MDFIC: variants seen among roughly 807,000 people sequenced by gnomAD.
The protein encoded by MDFIC is myoD family inhibitor domain-containing protein.
In MDFIC, 17 loss-of-function variants were observed where a neutral mutation model predicts 23.2. The ratio of observed to expected loss-of-function variants is 0.73; its 90% CI spans 0.50 to 1.10. MDFIC has a LOEUF of 1.10. Ranked by LOEUF, MDFIC falls within the 50% of genes least tolerant of loss-of-function variation. The pLI is 0.00. For synonymous variants in MDFIC, 120 were observed against 115.2 expected (o/e 1.04, Z -0.27); for missense variants, 356 against 316.6 (o/e 1.12, Z -0.95).
chr7:114,936,930 A>G (rs542242391), intron 2 of MDFIC, among the ~76,000 whole-genome samples: 1 of 152,234 alleles, frequency 6.6e-6, no homozygotes, highest in South Asian at 2.1e-4. Flanking sequence ...TTAAAAACTT[A>G]TGTAACAAAC....
chr7:114,922,653 G>T lies in MDFIC; in HGVS notation c.-108+17G>T. ...GATGCGGAGGTAGGTAGTGGTCTCCGGGCGGGGAAGAGGAGGGGTTTGATC... is the reference window on the plus strand; with the variant it reads ...GATGCGGAGGTAGGTAGTGGTCTCCTGGCGGGGAAGAGGAGGGGTTTGATC... On this transcript the variant is annotated intron_variant, in intron 1 of 4. Transcript: ENST00000393486. 1 of 1,308,794 alleles carries T rather than the reference G, an allele frequency of 7.6e-7. No homozygotes were observed. Among genetic ancestry groups the T allele is most frequent in the Non-Finnish European group, 9.8e-7 (1 of 1,024,490 alleles). The allele number at this position is 1,308,794 out of a possible 1,614,324, so 81.1% of individuals were successfully genotyped here.
intron 3 of MDFIC, among the ~76,000 whole-genome samples, chr7:114,944,704 A>T (rs1387367382): frequency 6.6e-6 from 1 of 152,152 alleles, no homozygotes; most frequent in African/African-American, 2.4e-5. Flanking sequence ...AGTTAGGAAG[A>T]TGTGTATTTT....
At chr7:114,942,458 TC>T in intron 3 of MDFIC, 61 bp downstream of exon 3, 7 of 1,278,068 alleles carry the variant, frequency 5.5e-6, no homozygotes, top group Non-Finnish European at 6.4e-6. Context: ...AATATATTCT[TC>T]GTTAATTGCC....
intron 4 of MDFIC, among the ~76,000 whole-genome samples, chr7:115,004,340 A>G (rs1178220261): frequency 6.6e-6 from 1 of 152,196 alleles, no homozygotes; most frequent in Non-Finnish European, 1.5e-5. Context: ...TACTCCTAGT[A>G]GCTCATGCCT....
intron 2 of MDFIC, among the ~76,000 whole-genome samples, chr7:114,931,629 A>T (rs796593571): frequency 9.8e-5 from 15 of 152,340 alleles, no homozygotes; most frequent in African/African-American, 3.6e-4. Flanking sequence ...TCAATTCAAG[A>T]TTAAAATAAT....
chr7:114,923,070 G>A lies in MDFIC; in HGVS notation c.37G>A (p.Val13Met). Reference protein sequence around the residue: ...GAGEALAPGPVGPQRVAEAGG... With the variant: ...GAGEALAPGPMGPQRVAEAGG... ...GGGCGAAGCCCTCGCTCCCGGGCCC[G>A]TGGGGCCGCAGCGCGTGGCCGAGGC... Residue 13 changes from valine to methionine, a missense_variant, in exon 2 of 5, where the codon GTG becomes ATG. Physicochemically the swap from Val to Met is conservative, Grantham distance 21. Coordinates refer to ENST00000393486, the MANE Select transcript of MDFIC (RefSeq NM_001166345.3). The A allele has an allele frequency of 2.1e-6, 3 of 1,404,038 alleles. No homozygotes were observed. The highest frequency in any genetic ancestry group is 2.8e-6 in the Non-Finnish European group (3 of 1,079,988). 87.0% of individuals were successfully genotyped at this position (1,404,038 alleles called of 1,614,324 possible).
chr7:114,978,937 C>T (rs1793367281), intron 3 of MDFIC, among the ~76,000 whole-genome samples: 1 of 151,998 alleles, frequency 6.6e-6, no homozygotes. Context: ...TTTTTCATAA[C>T]TTGTTTATTT....
Position 114,979,554 on chromosome 7 carries a change from G to A in MDFIC, c.266G>A (p.Ser89Asn). The A allele has an allele frequency of 6.2e-7, 1 of 1,614,030 alleles. No homozygotes were observed. Among genetic ancestry groups the A allele is most frequent in the South Asian group, 1.1e-5 (1 of 91,088 alleles). ...PQLQTSAQVP[S>N]GEEIGKIKNG... ...CTTCAGACTTCAGCCCAGGTGCCAA[G>A]TGGTGAGGAAATAGGCAAGATAAAG... Residue 89 changes from serine to asparagine, a missense_variant, in exon 4 of 5, where the codon AGT becomes AAT. Ser to Asn is a conservative substitution (Grantham distance 46, BLOSUM62 1). Coordinates refer to ENST00000393486, the MANE Select transcript of MDFIC (RefSeq NM_001166345.3).
chr7:114,997,887 T>C (rs1791372880), intron 4 of MDFIC, among the ~76,000 whole-genome samples: 1 of 152,142 alleles, frequency 6.6e-6, no homozygotes, highest in African/African-American at 2.4e-5. Context: ...CAGTGACTTC[T>C]TTAGTTCTGT....
At chr7:115,014,513 C>T (rs1199628848) in intron 4 of MDFIC, 6 of 1,289,520 alleles carry the variant, frequency 4.7e-6, no homozygotes, top group Non-Finnish European at 5.1e-6. Flanking sequence ...AATACAGAAA[C>T]ACAAAGGACA....
intron 3 of MDFIC, among the ~76,000 whole-genome samples, chr7:114,977,430 A>T (rs1462039597): frequency 1.3e-5 from 2 of 152,090 alleles, no homozygotes; most frequent in Non-Finnish European, 2.9e-5. Context: ...GAGGGACACC[A>T]TAAGTTGTCC....
intron 4 of MDFIC, among the ~76,000 whole-genome samples, chr7:115,004,936 G>A (rs1791540267): frequency 6.6e-6 from 1 of 152,196 alleles, no homozygotes. Context: ...TTTCTGTACA[G>A]TATGGCTATT....
At chr7:114,945,659 C>G (rs1585097409) in intron 3 of MDFIC, among the ~76,000 whole-genome samples, 1 of 152,174 alleles carries the variant, frequency 6.6e-6, no homozygotes, top group East Asian at 1.9e-4. Flanking sequence ...CACACACAAT[C>G]TGGTCAGAGA....
intron 2 of MDFIC, among the ~76,000 whole-genome samples, chr7:114,940,720 T>G (rs987273073): frequency 2.0e-5 from 3 of 152,200 alleles, no homozygotes; most frequent in African/African-American, 4.8e-5. Context: ...CAGCATTTCA[T>G]AAGTCATTGT....
intron 4 of MDFIC, among the ~76,000 whole-genome samples, chr7:114,997,408 A>ATG (rs148976289): frequency 0.02 from 2,990 of 149,490 alleles, 41 homozygotes; most frequent in African/African-American, 0.038. Flanking sequence ...GCATGCGTGC[A>ATG]TGTGTGTGTG....
rs1055244804 is a variant in MDFIC at position 114,922,265 on chromosome 7, G to T, written c.-479G>T. On this transcript the variant is annotated 5_prime_UTR_variant, in exon 1 of 5. Coordinates refer to ENST00000393486, the MANE Select transcript of MDFIC (RefSeq NM_001166345.3). ...CGGGGCCGCTAGCCAAGAGTTCGAG[G>T]CCTTCCCGATCCGGATGTGATGAAA... 5 of 715,308 alleles carry T rather than the reference G, an allele frequency of 7.0e-6. No individual in the cohort carries two copies. The highest frequency in any genetic ancestry group is 9.7e-6 in the Non-Finnish European group (5 of 516,814). The allele number at this position is 715,308 out of a possible 1,614,324, so 44.3% of individuals were successfully genotyped here.
At chr7:114,923,175 T>A (rs1490970294) in intron 2 of MDFIC, 48 bp downstream of exon 2, 17 of 1,527,784 alleles carry the variant, frequency 1.1e-5, no homozygotes, top group Non-Finnish European at 1.4e-5. Flanking sequence ...TTGTTGCATT[T>A]TTCAGTTTGC....
At chr7:115,011,614 A>G (rs979070385) in intron 4 of MDFIC, among the ~76,000 whole-genome samples, 2 of 152,250 alleles carry the variant, frequency 1.3e-5, no homozygotes, top group South Asian at 2.1e-4. Context: ...TTTAACAGGC[A>G]AATTAATTTG....
At chr7:114,985,532 G>T (rs561489077) in intron 4 of MDFIC, among the ~76,000 whole-genome samples, 1 of 151,780 alleles carries the variant, frequency 6.6e-6, no homozygotes, top group African/African-American at 2.4e-5. Flanking sequence ...AGGTTTGTTA[G>T]ATAAGTAAAC....
Sources: gnomAD v4.1 joint callset for allele counts (sites outside exome capture counted in the v4.1 genomes callset) on GRCh38, gnomAD v4.1.1 for gene constraint, MANE v1.5 for transcripts, NCBI Gene and HGNC (gene_info 2026-07-23, HGNC 2026-07-21) for gene names.